Variants in TMEM201 observed in about 807,000 individuals in gnomAD.
TMEM201 encodes transmembrane protein 201, also known as RP13-15M17.2.
Under a neutral mutation model 63.4 loss-of-function variants are expected in TMEM201, and 26 were observed. That is an observed-to-expected ratio of 0.41 (90% CI 0.30 to 0.57). The LOEUF (loss-of-function observed/expected upper bound fraction) is 0.57, where lower values mean the gene tolerates loss of function less well. Among genes scored for constraint, TMEM201 ranks in the 20% least tolerant of loss-of-function variants. TMEM201 has a pLI of 0.29. For missense variants in TMEM201, 794 were observed against 917.7 expected, an observed-to-expected ratio of 0.87 and a Z score of 1.74; for synonymous variants, 417 against 421.6, an observed-to-expected ratio of 0.99 and a Z score of 0.14.
In TMEM201 at chr1:9,598,559, C is replaced by T; in HGVS notation, c.540C>T (p.Arg180=). 6.2e-7 allele frequency: 1 copy of T among 1,613,720 alleles called. No homozygotes were observed. The highest frequency in any genetic ancestry group is 8.5e-7 in the Non-Finnish European group (1 of 1,180,012). ...AVEYYIKHQN[R]QLRALLLSHQ... ...AGTACTACATCAAGCACCAGAACCG[C>T]CAGCTGCGCGCCCTGTTGCTCAGCC... The change falls in exon 4 of 11, where the codon CGC becomes CGT. Residue 180 remains arginine, a synonymous_variant. Transcript: ENST00000340381.
chr1:9,607,626 C>T lies in TMEM201; in HGVS notation c.1230C>T (p.Val410=), dbSNP rs1015012257. 11 of 1,551,690 alleles carry T rather than the reference C, an allele frequency of 7.1e-6. No individual in the cohort carries two copies. Among genetic ancestry groups the T allele is most frequent in the Admixed American group, 5.9e-5 (3 of 50,988 alleles). ...SPSLAIPHPS[V]GGSPASLFIP... ...GCTTGGCCATCCCTCACCCGAGTGT[C>T]GGAGGCTCTCCAGCGTCTCTGTTCA... Residue 410 remains valine, a synonymous_variant, in exon 7 of 11, where the codon GTC becomes GTT. Transcript: ENST00000340381. This position sits in a 1 kb window ranked among gnomAD's most constrained non-coding sequence, Gnocchi z 5.4.
intron 1 of TMEM201, among the ~76,000 whole-genome samples, chr1:9,595,662 C>G (rs1457004953): frequency 6.6e-6 from 1 of 152,180 alleles, no homozygotes; most frequent in Non-Finnish European, 1.5e-5. Context: ...GCCGTGGCCT[C>G]CCTGTCTGGT....
Position 9,601,119 on chromosome 1 carries a change from C to T in TMEM201, c.621C>T (p.Ala207=), listed in dbSNP as rs201467842. ...DQTHAQNFSS[A]VKSPVQVILL... ...CTCCTTTGCAGAACTTCTCCTCCGC[C>T]GTGAAGTCCCCGGTCCAGGTCATCC... The change falls in exon 5 of 11, where the codon GCC becomes GCT. Residue 207 remains alanine (A), a synonymous_variant. Coordinates refer to ENST00000340381, the MANE Select transcript of TMEM201 (RefSeq NM_001130924.3). 1.6e-5 allele frequency: 25 copies of T among 1,590,180 alleles called. No homozygotes were observed. The highest frequency in any genetic ancestry group is 9.0e-5 in the East Asian group (4 of 44,316).
intron 6 of TMEM201, 139 bp downstream of exon 6, chr1:9,602,411 G>A (rs1476286620): frequency 4.8e-5 from 49 of 1,024,882 alleles, no homozygotes; most frequent in Non-Finnish European, 6.2e-5. Context: ...TACAGCCCCA[G>A]GTCCTGGCCC....
intron 3 of TMEM201, among the ~76,000 whole-genome samples, chr1:9,598,019 G>A (rs1644057581): frequency 6.6e-6 from 1 of 152,172 alleles, no homozygotes; most frequent in Admixed American, 6.5e-5. Context: ...CCTGGCCAGG[G>A]GCTCTCTAGC....
chr1:9,612,366 GT>G (rs1644336736), intron 10 of TMEM201, among the ~76,000 whole-genome samples: 1 of 152,208 alleles, frequency 6.6e-6, no homozygotes, highest in Admixed American at 6.5e-5. Context: ...CAGATCCCAG[GT>G]TCTCTGCTCA....
chr1:9,612,985 G>T lies in TMEM201; in HGVS notation c.1904-1G>T. 6.4e-7 allele frequency: 1 copy of T among 1,551,600 alleles called. No individual in the cohort carries two copies. The highest frequency in any genetic ancestry group is 1.2e-5 in the South Asian group (1 of 84,064). On this transcript the variant is annotated splice_acceptor_variant, in intron 10 of 10. Coordinates refer to ENST00000340381, the MANE Select transcript of TMEM201 (RefSeq NM_001130924.3). LOFTEE classifies it high-confidence loss of function. ...GTTCTGACCAGGTCTCTGCTTTGCA[G>T]GTCGTTTCGGCCCTTCCCTGGTCCG...
intron 9 of TMEM201, chr1:9,611,080 G>A: frequency 1.3e-6 from 2 of 1,502,496 alleles, no homozygotes; most frequent in Middle Eastern, 1.7e-4. Context: ...CCAGGTGCGT[G>A]TGGCCACAGA....
intron 5 of TMEM201, among the ~76,000 whole-genome samples, 176 bp downstream of exon 5, chr1:9,601,630 G>T (rs1313270510): frequency 6.6e-6 from 1 of 152,214 alleles, no homozygotes. Context: ...TGAGGCTGCA[G>T]ACGCCCTCTG....
intron 1 of TMEM201, among the ~76,000 whole-genome samples, chr1:9,590,845 C>G (rs1395446865): frequency 6.6e-6 from 1 of 152,200 alleles, no homozygotes; most frequent in Non-Finnish European, 1.5e-5. Context: ...AGAGGTTGAG[C>G]CTTCCTCCGA....
At position 9,608,499 on chromosome 1, in the gene TMEM201, T is replaced by G. The variant is rs1644278149; in HGVS notation, c.1393+710T>G. Among the ~76,000 whole-genome samples, 1 of 151,906 alleles carries G rather than the reference T, an allele frequency of 6.6e-6. No homozygotes were observed. The highest frequency in any genetic ancestry group is 1.5e-5 in the Non-Finnish European group (1 of 67,966). On this transcript the variant is annotated intron_variant, in intron 7 of 10. Transcript: ENST00000340381. The surrounding 1 kb of genome is among the most constrained non-coding windows in gnomAD (Gnocchi z 4.3). ...AGGCCATTTTGTACACACGCCAAGG[T>G]TTATATTAGGATGCTTTTGCTTTTC...
At chr1:9,599,123 A>G (rs1371607593) in intron 4 of TMEM201, among the ~76,000 whole-genome samples, 7 of 151,518 alleles carry the variant, frequency 4.6e-5, no homozygotes, top group African/African-American at 1.7e-4. Context: ...ATATTTTTGT[A>G]GAGGTGGGGT....
rs1174240839 is a variant in TMEM201, at chr1:9,603,738, T to G, written c.1160+1466T>G. 1 of 985,280 alleles carries G rather than the reference T, an allele frequency of 1.0e-6. No homozygotes were observed. Among genetic ancestry groups the G allele is most frequent in the Non-Finnish European group, 1.2e-6 (1 of 829,924 alleles). The allele number at this position is 985,280 out of a possible 1,614,324, so 61.0% of individuals were successfully genotyped here. ...CTAGAGGCTGCCCCACCCCAGTGAT[T>G]GGGTAGCAGCTCACATCCCACCCAG... On this transcript the variant is annotated intron_variant, in intron 6 of 10. Transcript: ENST00000340381. The surrounding 1 kb of genome is among the most constrained non-coding windows in gnomAD (Gnocchi z 4.5).
rs932224152 is a variant in TMEM201 at position 9,605,699 on chromosome 1, A to G, written c.1161-1858A>G. 1.2e-4 allele frequency among the ~76,000 whole-genome samples: 18 copies of G among 152,064 alleles called. No homozygotes were observed. The highest frequency in any genetic ancestry group is 2.2e-4 in the Non-Finnish European group (15 of 68,026). On this transcript the variant is annotated intron_variant, in intron 6 of 10. Coordinates refer to ENST00000340381, the MANE Select transcript of TMEM201 (RefSeq NM_001130924.3). The surrounding 1 kb of genome is among the most constrained non-coding windows in gnomAD (Gnocchi z 5.7). ...CATCTTCAGTGGCACCAAACTGGGA[A>G]CAACAGCCCCTGTGCCAGGTGGCCA...
At chr1:9,600,491 A>G (rs1283972362) in intron 4 of TMEM201, among the ~76,000 whole-genome samples, 5 of 152,218 alleles carry the variant, frequency 3.3e-5, no homozygotes, top group African/African-American at 9.7e-5. Context: ...ACCCATGCTC[A>G]GATACGCACA....
At chr1:9,590,090 A>G (rs565430661) in intron 1 of TMEM201, among the ~76,000 whole-genome samples, 44 of 152,324 alleles carry the variant, frequency 2.9e-4, no homozygotes, top group African/African-American at 1.0e-3. Flanking sequence ...GGAGGAAGGC[A>G]TGGGAGGGAC....
intron 2 of TMEM201, among the ~76,000 whole-genome samples, chr1:9,596,335 A>G (rs1644019560): frequency 1.3e-5 from 2 of 152,198 alleles, no homozygotes; most frequent in South Asian, 2.1e-4. Context: ...TCTCTGTACT[A>G]TATCAGGGCT....
rs906147119 is a variant in TMEM201, at chr1:9,607,350, G to C, written c.1161-207G>C. Reference sequence around the variant, plus strand: ...GGAGGGGGCATGTGGGGAGGGCCGGGTCTTGCTGGCACCTCCCAGCCACCC... The same window carrying C: ...GGAGGGGGCATGTGGGGAGGGCCGGCTCTTGCTGGCACCTCCCAGCCACCC... On this transcript the variant is annotated intron_variant, in intron 6 of 10. Transcript: ENST00000340381. This position sits in a 1 kb window ranked among gnomAD's most constrained non-coding sequence, Gnocchi z 5.4. Among the ~76,000 whole-genome samples, 1 of 152,078 alleles carries C rather than the reference G, an allele frequency of 6.6e-6. No individual in the cohort carries two copies. Among genetic ancestry groups the C allele is most frequent in the Non-Finnish European group, 1.5e-5 (1 of 68,004 alleles).
Position 9,603,122 on chromosome 1 carries a change from C to G in TMEM201, c.1160+850C>G. The G allele has an allele frequency of 2.0e-6, 2 of 985,480 alleles. No homozygotes were observed. The highest frequency in any genetic ancestry group is 2.4e-6 in the Non-Finnish European group (2 of 829,986). 61.0% of individuals were successfully genotyped at this position (985,480 alleles called of 1,614,324 possible). A position where few individuals can be genotyped will look rare whatever the true frequency, so the allele number is the denominator to read the frequency against. ...ACATCAGGTCGTTGTCATCCTTTCC[C>G]TCCCTGACCTGTCACGAGCCTCTGC... is the stretch of plus-strand genomic sequence containing the variant. On this transcript the variant is annotated intron_variant, in intron 6 of 10. Transcript: ENST00000340381. This position sits in a 1 kb window ranked among gnomAD's most constrained non-coding sequence, Gnocchi z 4.5.
Sources: gnomAD v4.1 joint callset for allele counts (sites outside exome capture counted in the v4.1 genomes callset) on GRCh38, gnomAD v4.1.1 for gene constraint, Gnocchi (gnomAD v3.1) non-coding constraint, MANE v1.5 for transcripts, NCBI Gene and HGNC (gene_info 2026-07-23, HGNC 2026-07-21) for gene names.